LRRC1: variants seen among roughly 807,000 people sequenced by gnomAD.
The protein encoded by LRRC1 is leucine-rich repeat-containing protein 1.
In LRRC1, 28 loss-of-function variants were observed where a neutral mutation model predicts 69.9. That is an observed-to-expected ratio of 0.40 (90% CI 0.30 to 0.55). The LOEUF (loss-of-function observed/expected upper bound fraction) is 0.55, where lower values mean the gene tolerates loss of function less well. Ranked by LOEUF, LRRC1 falls within the 20% of genes least tolerant of loss-of-function variation. LRRC1 has a pLI of 0.47. For synonymous variants in LRRC1, 236 were observed against 240.2 expected (o/e 0.98, Z 0.16); for missense variants, 498 against 609.0 (o/e 0.82, Z 1.92).
chr6:53,817,734 TG>T (rs1764993541), intron 1 of LRRC1, among the ~76,000 whole-genome samples: 1 of 152,200 alleles, frequency 6.6e-6, no homozygotes, highest in African/African-American at 2.4e-5. Context: ...TTAAGACATG[TG>T]GTACTTGTCT....
Position 53,905,719 on chromosome 6 carries a change from G to T in LRRC1, c.990+1257G>T, listed in dbSNP as rs560202285. Among the ~76,000 whole-genome samples, 223 of 152,232 alleles carry T rather than the reference G, an allele frequency of 1.5e-3. 1 individual carries two copies. The highest frequency in any genetic ancestry group is 5.1e-3 in the African/African-American group (212 of 41,548). ...TCCTCATCTTGGTGTTCGGCCCACA[G>T]TGTCCCAGTCTTCTCCCTGGGTAAG... On this transcript the variant is annotated intron_variant, in intron 10 of 13. Coordinates refer to ENST00000370888, the MANE Select transcript of LRRC1 (RefSeq NM_018214.5).
In LRRC1 at chr6:53,923,801, G is replaced by A. The variant is rs933076547; in HGVS notation, c.*1008G>A. On this transcript the variant is annotated 3_prime_UTR_variant, in exon 14 of 14. Transcript: ENST00000370888. ...AAAATAATGATTTTTATTCAAGAAAGCTTTAAAAGTTTTATATCCAGATAT... is the reference window on the plus strand; with the variant it reads ...AAAATAATGATTTTTATTCAAGAAAACTTTAAAAGTTTTATATCCAGATAT... 6 of 152,510 alleles carry A rather than the reference G, an allele frequency of 3.9e-5. No homozygotes were observed. The highest frequency in any genetic ancestry group is 1.4e-4 in the African/African-American group (6 of 41,440). The allele number at this position is 152,510 out of a possible 1,614,324, so 9.4% of individuals were successfully genotyped here. A position where few individuals can be genotyped will look rare whatever the true frequency, so the allele number is the denominator to read the frequency against.
intron 2 of LRRC1, among the ~76,000 whole-genome samples, chr6:53,867,397 C>G (rs1400866824): frequency 1.3e-5 from 2 of 151,148 alleles, no homozygotes; most frequent in Non-Finnish European, 2.9e-5. Flanking sequence ...GTTTATATTG[C>G]TAAACTATAG....
intron 1 of LRRC1, among the ~76,000 whole-genome samples, chr6:53,802,931 G>A (rs1259589770): frequency 1.3e-5 from 2 of 152,162 alleles, no homozygotes; most frequent in Non-Finnish European, 2.9e-5. Flanking sequence ...GAAACTTTGT[G>A]AGAGTTGACA....
At chr6:53,906,584 C>T (rs2127439136) in intron 10 of LRRC1, among the ~76,000 whole-genome samples, 1 of 152,316 alleles carries the variant, frequency 6.6e-6, no homozygotes, top group Non-Finnish European at 1.5e-5. Context: ...AGCATCGGTC[C>T]TCTTTTTCAC....
chr6:53,886,835 C>A (rs1403116949), intron 4 of LRRC1, among the ~76,000 whole-genome samples: 2 of 152,124 alleles, frequency 1.3e-5, no homozygotes, highest in Admixed American at 1.3e-4. Flanking sequence ...CACTTTAGTC[C>A]TTTGTCTTTA....
Position 53,896,545 on chromosome 6 carries a change from A to G in LRRC1, c.494A>G (p.Tyr165Cys), listed in dbSNP as rs772006451. Residue 165 changes from tyrosine to cysteine, a missense_variant, in exon 5 of 14, where the codon TAT becomes TGT. Around this residue, in one of 3 missense-constraint regions of LRRC1, gnomAD observed 266 missense variants for 383.9 expected, o/e 0.69. Coordinates refer to ENST00000370888, the MANE Select transcript of LRRC1 (RefSeq NM_018214.5). ...GAACTGAGAGAGAATCTTCTTACAT[A>G]TCTTCCTGAGTGAGTCTTTGGGGAA... ...SLELRENLLT[Y>C]LPDSLTQLRR... is the part of the protein sequence containing the mutation. 4.3e-6 allele frequency: 7 copies of G among 1,612,530 alleles called. No homozygotes were observed. Among genetic ancestry groups the G allele is most frequent in the South Asian group, 2.2e-5 (2 of 91,042 alleles).
chr6:53,865,556 G>T (rs533845624), intron 2 of LRRC1, among the ~76,000 whole-genome samples: 2 of 151,934 alleles, frequency 1.3e-5, no homozygotes, highest in East Asian at 1.9e-4. Context: ...ATTATTGAGG[G>T]TACTATTTGT....
chr6:53,818,056 A>G (rs1765003391), intron 1 of LRRC1, among the ~76,000 whole-genome samples: 1 of 152,250 alleles, frequency 6.6e-6, no homozygotes, highest in African/African-American at 2.4e-5. Context: ...TGCACGTACA[A>G]TGAAAAGTGG....
chr6:53,921,741 T>C (rs895960282), intron 13 of LRRC1, among the ~76,000 whole-genome samples: 2 of 152,160 alleles, frequency 1.3e-5, no homozygotes, highest in African/African-American at 4.8e-5. Flanking sequence ...ACAAAGGCAG[T>C]TTTTAAATTA....
At chr6:53,855,765 C>T (rs565636143) in intron 2 of LRRC1, among the ~76,000 whole-genome samples, 4 of 152,310 alleles carry the variant, frequency 2.6e-5, no homozygotes, top group African/African-American at 9.6e-5. Context: ...AGGCCTTCCT[C>T]ACCCCACCCC....
intron 2 of LRRC1, 121 bp from the exon 3 acceptor site, chr6:53,878,872 G>C: frequency 1.6e-6 from 1 of 612,556 alleles, no homozygotes; most frequent in Non-Finnish European, 2.9e-6. Context: ...TATAAGTCTA[G>C]GTCATGTTTG....
chr6:53,896,678 G>A (rs1270766204), intron 5 of LRRC1, 124 bp downstream of exon 5: 8 of 1,047,942 alleles, frequency 7.6e-6, no homozygotes, highest in Middle Eastern at 2.5e-4. Context: ...GATGCCAGCC[G>A]GCCTTTTCTT....
chr6:53,919,820 C>T, intron 12 of LRRC1, 150 bp downstream of exon 12: 1 of 595,476 alleles, frequency 1.7e-6, no homozygotes, highest in South Asian at 3.3e-5. Flanking sequence ...TGGGACTCTT[C>T]CGGGAAGGTT....
intron 8 of LRRC1, among the ~76,000 whole-genome samples, chr6:53,900,770 C>T (rs113391945): frequency 7.9e-4 from 121 of 152,230 alleles, no homozygotes; most frequent in Middle Eastern, 3.4e-3. Flanking sequence ...AGAAATTAAA[C>T]GCAGAGAAAG....
chr6:53,902,590 C>A, intron 8 of LRRC1, 39 bp from the exon 9 acceptor site: 1 of 1,222,508 alleles, frequency 8.2e-7, no homozygotes. Context: ...ATAATTGTAA[C>A]TAATGAATTT....
At position 53,854,805 on chromosome 6, in the gene LRRC1, G is replaced by A. The variant is rs932525856; in HGVS notation, c.277+12578G>A. On this transcript the variant is annotated intron_variant, in intron 2 of 13. Transcript: ENST00000370888. The stretch of plus-strand genomic sequence containing the variant: ...TAAAATTGGGATCATTTAACAAATA[G>A]ATATTCCTATCTTGCTTTTTATTCA... Among the ~76,000 whole-genome samples, 10 of 152,196 alleles carry A rather than the reference G, an allele frequency of 6.6e-5. 1 individual carries two copies. Among genetic ancestry groups the A allele is most frequent in the African/African-American group, 2.4e-4 (10 of 41,532 alleles).
rs542647051 is a variant in LRRC1 at position 53,814,288 on chromosome 6, T to G, written c.159+18873T>G. Among the ~76,000 whole-genome samples, 9 of 152,304 alleles carry G rather than the reference T, an allele frequency of 5.9e-5. No individual in the cohort carries two copies. In the South Asian group the frequency reaches 6.2e-4, roughly 11 times the overall value. ...TGGTAGTGAAACTTTTTAAAAAAAA[T>G]TAGCAGATAAAAAGGTGCTTACACA... On this transcript the variant is annotated intron_variant, in intron 1 of 13. Transcript: ENST00000370888.
At chr6:53,796,082 A>G (rs1388821567) in intron 1 of LRRC1, among the ~76,000 whole-genome samples, 1 of 152,102 alleles carries the variant, frequency 6.6e-6, no homozygotes, top group Non-Finnish European at 1.5e-5. Context: ...GCCTACGTGG[A>G]CCTGTTGCGT....
Sources: gnomAD v4.1 joint callset for allele counts (sites outside exome capture counted in the v4.1 genomes callset) on GRCh38, gnomAD v4.1.1 for gene constraint, gnomAD v4.1.1 regional missense constraint, MANE v1.5 for transcripts, NCBI Gene and HGNC (gene_info 2026-07-23, HGNC 2026-07-21) for gene names.